Variants in MRPL43 observed in about 807,000 individuals in gnomAD.
The protein encoded by MRPL43 is large ribosomal subunit protein mL43.
Under a neutral mutation model 12.7 loss-of-function variants are expected in MRPL43, and 9 were observed. The ratio of observed to expected loss-of-function variants is 0.71; its 90% CI spans 0.43 to 1.24. The LOEUF (loss-of-function observed/expected upper bound fraction) is 1.24. Ranked by LOEUF, MRPL43 falls within the 50% of genes most tolerant of loss-of-function variation. MRPL43 has a pLI of 0.00. For synonymous variants in MRPL43, 116 were observed against 96.4 expected (o/e 1.20, Z -1.19); for missense variants, 211 against 229.2 (o/e 0.92, Z 0.51).
chr10:100,978,598 C>T (rs759497574), downstream of MRPL43: 10 of 1,614,150 alleles, frequency 6.2e-6, no homozygotes, highest in Non-Finnish European at 8.5e-6. Flanking sequence ...CCGCCACCCA[C>T]ACTCCCTGAG....
downstream of MRPL43, chr10:100,983,280 C>G: frequency 6.6e-7 from 1 of 1,504,390 alleles, no homozygotes; most frequent in South Asian, 1.3e-5. Context: ...CGGGCTGGTA[C>G]TGACCTCTCC....
chr10:100,980,037 G>A (rs542254749), downstream of MRPL43: 8 of 1,613,830 alleles, frequency 5.0e-6, 1 homozygote, highest in South Asian at 8.8e-5. Flanking sequence ...ACAGAGCCCA[G>A]GGAAGGGTCA....
chr10:100,979,735 T>G (rs563693231), downstream of MRPL43: 4 of 1,241,106 alleles, frequency 3.2e-6, no homozygotes, highest in Non-Finnish European at 3.4e-6. Flanking sequence ...AGAGGCCCTG[T>G]GGGACTATAG....
chr10:100,979,793 G>A, downstream of MRPL43: 1 of 1,599,096 alleles, frequency 6.3e-7, no homozygotes, highest in Non-Finnish European at 8.5e-7. Flanking sequence ...GCACGAGTTG[G>A]GGGGCAGGCT....
At position 100,986,625 on chromosome 10, in the gene MRPL43, T is replaced by C; in HGVS notation, c.*109A>G. 6.2e-7 allele frequency: 1 copy of C among 1,613,488 alleles called. No individual in the cohort carries two copies. The highest frequency in any genetic ancestry group is 8.5e-7 in the Non-Finnish European group (1 of 1,179,924). Reference sequence around the variant, plus strand: ...ATCCCAAGCAGAACCTCTGTCAACTTGCCCATTGATGGGTTCCATTTGCCT... The same window carrying C: ...ATCCCAAGCAGAACCTCTGTCAACTCGCCCATTGATGGGTTCCATTTGCCT... On this transcript the variant is annotated 3_prime_UTR_variant, in exon 3 of 3. Transcript: ENST00000318364.
downstream of MRPL43, chr10:100,983,437 G>T (rs1851225605): frequency 6.2e-7 from 1 of 1,613,772 alleles, no homozygotes; most frequent in African/African-American, 1.3e-5. Context: ...GATGGGCAGG[G>T]TGGCTACCGT....
downstream of MRPL43, among the ~76,000 whole-genome samples, chr10:100,983,071 G>A (rs182548067): frequency 1.8e-4 from 28 of 152,338 alleles, no homozygotes; most frequent in East Asian, 4.8e-3. Context: ...GAAACCACAG[G>A]AGAGGATGAG....
At chr10:100,984,078 G>GA, downstream of MRPL43, 1 of 1,613,408 alleles carries the variant, frequency 6.2e-7, no homozygotes, top group Non-Finnish European at 8.5e-7. Flanking sequence ...CCGCATCCTG[G>GA]AAAAAAGGAA....
downstream of MRPL43, chr10:100,980,226 T>C (rs1850999005): frequency 6.2e-7 from 1 of 1,614,130 alleles, no homozygotes; most frequent in African/African-American, 1.3e-5. Flanking sequence ...CTCGGCCCGT[T>C]GTGCCCACAC....
chr10:100,980,202 G>C, downstream of MRPL43: 2 of 1,614,234 alleles, frequency 1.2e-6, no homozygotes, highest in East Asian at 4.5e-5. Context: ...TTGTAAAGTT[G>C]CACCCACTGA....
At chr10:100,980,087 G>T (rs766581235), downstream of MRPL43, 5 of 1,612,506 alleles carry the variant, frequency 3.1e-6, no homozygotes, top group African/African-American at 4.0e-5. Context: ...AGGTGGTGGA[G>T]TCCCGAGGTT....
At position 100,986,394 on chromosome 10, in the gene MRPL43, G is replaced by T; in HGVS notation, c.*340C>A. 3 of 1,471,606 alleles carry T rather than the reference G, an allele frequency of 2.0e-6. No homozygotes were observed. The highest frequency in any genetic ancestry group is 1.4e-5 in the African/African-American group (1 of 70,342). 91.2% of individuals were successfully genotyped at this position (1,471,606 alleles called of 1,614,324 possible). A position where few individuals can be genotyped will look rare whatever the true frequency, so the allele number is the denominator to read the frequency against. ...AGTGGTTGTTCCAATAAGACATCAG[G>T]GATTCTTCAGAAGCCAGCCTTCAGA... On this transcript the variant is annotated 3_prime_UTR_variant, in exon 3 of 3. Coordinates refer to ENST00000318364, the MANE Select transcript of MRPL43 (RefSeq NM_032112.3).
chr10:100,981,466 T>G (rs779552770), downstream of MRPL43: 1 of 1,614,216 alleles, frequency 6.2e-7, no homozygotes, highest in South Asian at 1.1e-5. Flanking sequence ...CTGGAGCTTA[T>G]AGCCAAGTAG....
chr10:100,979,028 G>T (rs1177726948), downstream of MRPL43: 2 of 1,613,716 alleles, frequency 1.2e-6, no homozygotes, highest in Non-Finnish European at 8.5e-7. Context: ...GGTGGATTGG[G>T]CTGACGTTGG....
downstream of MRPL43, chr10:100,980,741 A>C: frequency 6.2e-7 from 1 of 1,607,616 alleles, no homozygotes. Context: ...AAATAGGAAG[A>C]GGGAGTGGGG....
chr10:100,987,145 G>A lies in MRPL43; in HGVS notation c.183C>T (p.Val61=). ...ACGGACGCGAGTTTACATATATTAC[G>A]ACCCCTGGATTCCGTCGGGCGAAGT... ...VIDFARRNPG[V]VIYVNSRPCC... The change falls in exon 2 of 3, where the codon GTC becomes GTT. Residue 61 remains valine, a synonymous_variant. Transcript: ENST00000318364. 1 of 1,613,802 alleles carries A rather than the reference G, an allele frequency of 6.2e-7. No homozygotes were observed.
downstream of MRPL43, chr10:100,978,001 T>G: frequency 1.8e-6 from 1 of 570,318 alleles, no homozygotes. Flanking sequence ...CAAAGGGCCT[T>G]GATCCCCTGG....
At chr10:100,979,233 T>A (rs1235341225), downstream of MRPL43, 8 of 1,614,038 alleles carry the variant, frequency 5.0e-6, no homozygotes, top group Non-Finnish European at 6.8e-6. Context: ...CCTCAAGCCG[T>A]ACACACTTCT....
downstream of MRPL43, chr10:100,983,541 C>T: frequency 1.2e-6 from 2 of 1,614,132 alleles, no homozygotes; most frequent in Non-Finnish European, 1.7e-6. Context: ...CCGCACCCTG[C>T]TGGCCTCCTA....
Sources: allele counts gnomAD v4.1 joint callset (sites outside exome capture counted in the v4.1 genomes callset), GRCh38; gene constraint gnomAD v4.1.1; transcripts MANE v1.5; gene names NCBI Gene and HGNC (gene_info 2026-07-23, HGNC 2026-07-21).